Variants in RMDN2 observed in about 807,000 individuals in gnomAD.
The protein encoded by RMDN2 is regulator of microtubule dynamics 2.
A neutral mutation model predicts 52.8 loss-of-function variants in RMDN2; 61 were observed. The ratio of observed to expected loss-of-function variants is 1.16; its 90% confidence interval spans 0.94 to 1.43. RMDN2 has a LOEUF of 1.43. RMDN2 is among the 40% of genes most tolerant of loss of function. The pLI, the probability that RMDN2 is intolerant of heterozygous loss-of-function variation, is 0.00. For synonymous variants in RMDN2, 180 were observed against 153.1 expected (o/e 1.18, Z -1.30); for missense variants, 592 against 475.3 (o/e 1.25, Z -2.28).
intron 10 of RMDN2, among the ~76,000 whole-genome samples, chr2:38,065,624 G>A (rs1011318367): frequency 2.6e-5 from 4 of 152,150 alleles, no homozygotes; most frequent in African/African-American, 7.2e-5. Flanking sequence ...CAGTGCTCAC[G>A]GGCTCTGAGA....
At chr2:37,921,207 T>C (rs1666020653), upstream of RMDN2, among the ~76,000 whole-genome samples, 1 of 152,236 alleles carries the variant, frequency 6.6e-6, no homozygotes, top group Non-Finnish European at 1.5e-5. Flanking sequence ...TTTTATTGGA[T>C]TTAAGTGATT....
chr2:38,010,117 C>T (rs1677738522), intron 10 of RMDN2, among the ~76,000 whole-genome samples: 1 of 152,110 alleles, frequency 6.6e-6, no homozygotes, highest in Non-Finnish European at 1.5e-5. Context: ...GTCAGTCTGC[C>T]CTTGCTGGGT....
At chr2:38,065,494 C>G (rs1382049423) in intron 10 of RMDN2, among the ~76,000 whole-genome samples, 2 of 152,102 alleles carry the variant, frequency 1.3e-5, no homozygotes, top group African/African-American at 4.8e-5. Context: ...CATTGTCTCA[C>G]CTAAAGGGGC....
chr2:38,003,918 T>A, intron 8 of RMDN2, 73 bp from the exon 9 acceptor site: 1 of 1,139,084 alleles, frequency 8.8e-7, no homozygotes, highest in Non-Finnish European at 1.3e-6. Context: ...TATTTAAATA[T>A]ATTCTCTTCA....
At chr2:38,050,695 T>G (rs1681540000) in intron 10 of RMDN2, among the ~76,000 whole-genome samples, 1 of 152,198 alleles carries the variant, frequency 6.6e-6, no homozygotes. Flanking sequence ...CATATGTTAA[T>G]GTAAGAACAA....
At chr2:37,952,039 T>G (rs149594141) in intron 2 of RMDN2, 1 of 1,613,418 alleles carries the variant, frequency 6.2e-7, no homozygotes, top group South Asian at 1.1e-5. Flanking sequence ...AGTGGAACTT[T>G]CCCATTCCTC....
chr2:38,026,938 T>A (rs1175620020), intron 10 of RMDN2: 1 of 152,108 alleles, frequency 6.6e-6, no homozygotes, highest in African/African-American at 2.4e-5. Context: ...TCAGGTTTTT[T>A]TTGTTTTCAG....
chr2:37,974,175 G>C lies in RMDN2; in HGVS notation c.588G>C (p.Lys196Asn), dbSNP rs777211597. Residue 196 changes from lysine to asparagine, a missense_variant, in exon 3 of 11, where the codon AAG (lysine) becomes AAC (asparagine). Lys to Asn is a moderately conservative substitution (Grantham distance 94). Transcript: ENST00000354545. ...ATTTACGTATGAGTGAGTCTGGCAA[G>C]TCGGAGAGTTTTGAACTACTTCGTG... Reference protein sequence around the residue: ...VDHLRMSESGKSESFELLRDH... With the variant: ...VDHLRMSESGNSESFELLRDH... 6.2e-7 allele frequency: 1 copy of C among 1,613,344 alleles called. No individual in the cohort carries two copies. Among genetic ancestry groups the C allele is most frequent in the Non-Finnish European group, 8.5e-7 (1 of 1,179,604 alleles).
intron 2 of RMDN2, among the ~76,000 whole-genome samples, chr2:37,945,202 C>A (rs780940110): frequency 6.6e-5 from 10 of 152,190 alleles, no homozygotes; most frequent in Admixed American, 1.3e-4. Flanking sequence ...ATCAGTGTCC[C>A]TGTTACCATT....
At chr2:38,053,625 C>G (rs1445051814) in intron 10 of RMDN2, among the ~76,000 whole-genome samples, 2 of 152,180 alleles carry the variant, frequency 1.3e-5, no homozygotes, top group African/African-American at 4.8e-5. Flanking sequence ...CTCAATTTAA[C>G]TGTAATAAAA....
Position 38,062,763 on chromosome 2 carries a change from C to T in RMDN2, c.1714-4219C>T, listed in dbSNP as rs536453232. On this transcript the variant is annotated intron_variant, in intron 10 of 10. Coordinates refer to the RMDN2 transcript ENST00000234195. ...GGTATATCTCCAAATGCTATCCCTC[C>T]CCCCTTCCCCCCCCCCACAACAGTC... Among the ~76,000 whole-genome samples the T allele has an allele frequency of 3.7e-3, 492 of 131,540 alleles. 2 individuals are homozygous for T. The highest frequency in any genetic ancestry group is 0.012 in the African/African-American group (465 of 38,996). 86.3% of individuals were successfully genotyped at this position (131,540 alleles called of 152,430 possible).
chr2:37,958,335 T>C (rs992200544), intron 2 of RMDN2, among the ~76,000 whole-genome samples: 2 of 151,482 alleles, frequency 1.3e-5, no homozygotes, highest in African/African-American at 4.9e-5. Flanking sequence ...AAGTGGTTTG[T>C]AGTTCTTCTT....
chr2:38,011,061 C>T (rs941223556), intron 10 of RMDN2, among the ~76,000 whole-genome samples: 47 of 152,150 alleles, frequency 3.1e-4, no homozygotes, highest in South Asian at 6.2e-4. Context: ...AGCATAATTC[C>T]GGGGAGCTGG....
At chr2:38,013,747 C>G (rs1382531773) in intron 10 of RMDN2, among the ~76,000 whole-genome samples, 1 of 152,148 alleles carries the variant, frequency 6.6e-6, no homozygotes, top group Non-Finnish European at 1.5e-5. Context: ...TATAGAAATG[C>G]TACAGCTCAG....
At chr2:38,019,904 A>G (rs7599257), downstream of RMDN2, among the ~76,000 whole-genome samples, 95,715 of 152,014 alleles carry the variant, frequency 0.63, 32,852 homozygotes, top group African/African-American at 0.9. Flanking sequence ...CACTCTCCAC[A>G]GCACTCTGGG....
upstream of RMDN2, among the ~76,000 whole-genome samples, chr2:37,922,049 C>A (rs185146907): frequency 7.0e-4 from 107 of 152,262 alleles, no homozygotes; most frequent in African/African-American, 2.6e-3. Context: ...TGCGCTTCTC[C>A]CTCTCTAAAT....
At chr2:38,013,972 C>T (rs931805926) in intron 10 of RMDN2, among the ~76,000 whole-genome samples, 2 of 152,088 alleles carry the variant, frequency 1.3e-5, no homozygotes, top group Non-Finnish European at 2.9e-5. Flanking sequence ...TTTGGGCGGC[C>T]GAGGCGGGCG....
intron 10 of RMDN2, among the ~76,000 whole-genome samples, chr2:38,007,952 T>C (rs1053509561): frequency 3.3e-5 from 5 of 152,238 alleles, no homozygotes. Context: ...TCTGCCTTCA[T>C]TTCTTTATGT....
chr2:37,929,076 A>C (rs1176212983), intron 1 of RMDN2, 186 bp from the exon 2 acceptor site: 1 of 468,314 alleles, frequency 2.1e-6, no homozygotes, highest in Non-Finnish European at 3.8e-6. Flanking sequence ...ATAATTCTTC[A>C]TTGTAATCTA....
Sources: gnomAD v4.1 joint callset for allele counts (sites outside exome capture counted in the v4.1 genomes callset) on GRCh38, gnomAD v4.1.1 for gene constraint, MANE v1.5 for transcripts, NCBI Gene and HGNC (gene_info 2026-07-23, HGNC 2026-07-21) for gene names.